LMBRD1: variants seen among roughly 807,000 people sequenced by gnomAD.
The protein encoded by LMBRD1 is lysosomal cobalamin transport escort protein LMBD1.
A neutral mutation model predicts 74.8 loss-of-function variants in LMBRD1; 64 were observed. The observed-to-expected ratio is 0.86, with a 90% CI of 0.70 to 1.05. The LOEUF is 1.05. LMBRD1 is among the 50% of genes least tolerant of loss of function. The pLI is 0.00. For missense variants in LMBRD1, 652 were observed against 645.9 expected, an observed-to-expected ratio of 1.01 and a Z score of -0.10; for synonymous variants, 204 against 216.3, an observed-to-expected ratio of 0.94 and a Z score of 0.50.
rs370602120 is a variant in LMBRD1 at position 69,677,601 on chromosome 6, T to C, written c.1418-1060A>G. ...ATCCTTCAGTTCAAAGTACTTAGCATGTTACAGTGTGTGCTATCATTTTCT... is the reference window on the plus strand; with the variant it reads ...ATCCTTCAGTTCAAAGTACTTAGCACGTTACAGTGTGTGCTATCATTTTCT... On this transcript the variant is annotated intron_variant, in intron 14 of 15. Coordinates refer to ENST00000649934, the MANE Select transcript of LMBRD1 (RefSeq NM_018368.4). Among the ~76,000 whole-genome samples the C allele has an allele frequency of 2.9e-4, 44 of 152,272 alleles. No individual in the cohort carries two copies. The East Asian group carries it at 7.7e-3, about 27-fold the overall frequency.
intron 4 of LMBRD1, among the ~76,000 whole-genome samples, chr6:69,750,716 G>C (rs564772084): frequency 1.3e-5 from 2 of 152,108 alleles, no homozygotes; most frequent in Non-Finnish European, 2.9e-5. Context: ...ATCTCGTGGA[G>C]ATCTTATCAA....
intron 5 of LMBRD1, 59 bp downstream of exon 5, chr6:69,749,282 T>A: frequency 7.6e-7 from 1 of 1,317,414 alleles, no homozygotes; most frequent in Non-Finnish European, 1.1e-6. Flanking sequence ...CCTTTTATTT[T>A]TTTTTTCAAA....
At chr6:69,742,339 A>G (rs1767123390) in intron 5 of LMBRD1, among the ~76,000 whole-genome samples, 1 of 152,158 alleles carries the variant, frequency 6.6e-6, no homozygotes, top group African/African-American at 2.4e-5. Flanking sequence ...GGGAGTGATT[A>G]TTACTTTCTT....
chr6:69,687,001 T>C (rs928530542), intron 14 of LMBRD1, among the ~76,000 whole-genome samples: 2 of 152,186 alleles, frequency 1.3e-5, no homozygotes, highest in African/African-American at 4.8e-5. Flanking sequence ...TTCCAAGCCT[T>C]GGTCTATATA....
chr6:69,695,487 T>C (rs778035766), intron 14 of LMBRD1, among the ~76,000 whole-genome samples: 8 of 152,114 alleles, frequency 5.3e-5, no homozygotes, highest in Admixed American at 2.6e-4. Context: ...CAGGACTCTG[T>C]TGGAAACCAA....
rs754580648 is a variant in LMBRD1, at chr6:69,796,911, G to C, written c.-30C>G. 3.1e-6 allele frequency: 5 copies of C among 1,606,662 alleles called. No homozygotes were observed. The highest frequency in any genetic ancestry group is 1.3e-5 in the African/African-American group (1 of 74,876). Reference sequence around the variant, plus strand: ...GCTTCCGGTCCAGACCAACCTGAGCGCCCGGGGTGGGGAAAGGGGAGGGGG... The same window carrying C: ...GCTTCCGGTCCAGACCAACCTGAGCCCCCGGGGTGGGGAAAGGGGAGGGGG... On this transcript the variant is annotated 5_prime_UTR_variant, in exon 1 of 16. Coordinates refer to ENST00000649934, the MANE Select transcript of LMBRD1 (RefSeq NM_018368.4).
At chr6:69,742,906 C>T (rs778733706) in intron 5 of LMBRD1, among the ~76,000 whole-genome samples, 2 of 151,918 alleles carry the variant, frequency 1.3e-5, no homozygotes, top group Non-Finnish European at 2.9e-5. Flanking sequence ...TAACTATCTG[C>T]ATTGACTTCA....
At chr6:69,773,836 A>G (rs1765626717) in intron 3 of LMBRD1, among the ~76,000 whole-genome samples, 1 of 152,234 alleles carries the variant, frequency 6.6e-6, no homozygotes, top group Non-Finnish European at 1.5e-5. Context: ...ACTAGCATGG[A>G]TAAACTACGG....
intron 8 of LMBRD1, among the ~76,000 whole-genome samples, 199 bp from the exon 9 acceptor site, chr6:69,713,996 T>C (rs1766440197): frequency 6.6e-6 from 1 of 152,088 alleles, no homozygotes; most frequent in Admixed American, 6.6e-5. Context: ...TGGATGTGTG[T>C]ACATTTATGC....
intron 1 of LMBRD1, among the ~76,000 whole-genome samples, chr6:69,792,886 G>A (rs1227591869): frequency 6.6e-6 from 1 of 152,178 alleles, no homozygotes. Context: ...CAACCAGGCA[G>A]AAGAGTTAAG....
At chr6:69,710,100 C>CCTAA (rs145096388) in intron 9 of LMBRD1, among the ~76,000 whole-genome samples, 12,144 of 152,040 alleles carry the variant, frequency 0.08, 629 homozygotes, top group Admixed American at 0.15. Context: ...ATTTATACTA[C>CCTAA]CTAACTTCAT....
intron 7 of LMBRD1, among the ~76,000 whole-genome samples, chr6:69,737,409 G>T (rs955190893): frequency 1.3e-5 from 2 of 151,812 alleles, no homozygotes; most frequent in African/African-American, 4.8e-5. Context: ...AAAAGTCTGG[G>T]AGTATAAGAA....
At chr6:69,738,291 C>A (rs1767018845) in intron 6 of LMBRD1, among the ~76,000 whole-genome samples, 1 of 151,788 alleles carries the variant, frequency 6.6e-6, no homozygotes, top group Admixed American at 6.6e-5. Context: ...ATTATTGGGC[C>A]CAAAAAGAGA....
intron 7 of LMBRD1, among the ~76,000 whole-genome samples, chr6:69,733,513 G>C (rs1766907875): frequency 1.3e-5 from 2 of 152,168 alleles, no homozygotes; most frequent in Admixed American, 6.5e-5. Flanking sequence ...AGATGGGGAA[G>C]CTTGGGATCA....
intron 3 of LMBRD1, among the ~76,000 whole-genome samples, chr6:69,770,834 T>G (rs1380929974): frequency 6.6e-6 from 1 of 151,742 alleles, no homozygotes; most frequent in East Asian, 1.9e-4. Flanking sequence ...AGAAAAAAAA[T>G]AGACTAGGAT....
intron 14 of LMBRD1, among the ~76,000 whole-genome samples, chr6:69,678,657 T>G (rs1318700880): frequency 6.6e-6 from 1 of 152,110 alleles, no homozygotes; most frequent in African/African-American, 2.4e-5. Flanking sequence ...AGATCCTACA[T>G]GCAATTAGAA....
chr6:69,722,462 CAA>C (rs1398871500), intron 7 of LMBRD1, among the ~76,000 whole-genome samples: 18 of 96,880 alleles, frequency 1.9e-4, no homozygotes, highest in African/African-American at 6.5e-4. Context: ...ATGAACCAAT[CAA>C]AAAAAAAAAA....
chr6:69,680,476 C>T (rs772581239), intron 14 of LMBRD1, among the ~76,000 whole-genome samples: 1 of 152,140 alleles, frequency 6.6e-6, no homozygotes, highest in Non-Finnish European at 1.5e-5. Context: ...CTCCAGACAT[C>T]TAATAATCCA....
intron 14 of LMBRD1, among the ~76,000 whole-genome samples, chr6:69,688,075 T>G (rs1042753008): frequency 1.3e-5 from 2 of 152,100 alleles, no homozygotes; most frequent in South Asian, 2.1e-4. Flanking sequence ...GGGACTACCA[T>G]TAGGCTCACA....
Sources: allele counts gnomAD v4.1 joint callset (sites outside exome capture counted in the v4.1 genomes callset), GRCh38; gene constraint gnomAD v4.1.1; transcripts MANE v1.5; gene names NCBI Gene and HGNC (gene_info 2026-07-23, HGNC 2026-07-21).